CELF2: variants seen among roughly 807,000 people sequenced by gnomAD.
CELF2 encodes CUGBP Elav-like family member 2.
A neutral mutation model predicts 62.6 loss-of-function variants in CELF2; 8 were observed. The ratio of observed to expected loss-of-function variants is 0.13; its 90% confidence interval spans 0.07 to 0.23. CELF2 has a LOEUF of 0.23. CELF2 is among the 10% of genes least tolerant of loss of function. The pLI is 1.00. For synonymous variants in CELF2, 258 were observed against 250.0 expected (o/e 1.03, Z -0.30); for missense variants, 333 against 671.0 (o/e 0.50, Z 5.56).
chr10:10,647,412 G>C, the CELF2 span, among the ~76,000 whole-genome samples: 1 of 152,142 alleles, frequency 6.6e-6, no homozygotes, highest in African/African-American at 2.4e-5. Flanking sequence ...AGGTCTTTCT[G>C]ATAAATGAAA....
At chr10:11,226,162 G>C (rs758226592) in intron 3 of CELF2, among the ~76,000 whole-genome samples, 1 of 152,178 alleles carries the variant, frequency 6.6e-6, no homozygotes, top group East Asian at 1.9e-4. Context: ...CCATGGGGAG[G>C]CTCCATGGCT....
chr10:11,049,213 C>CTT (rs558304756), intron 1 of CELF2, among the ~76,000 whole-genome samples: 1 of 144,826 alleles, frequency 6.9e-6, no homozygotes, highest in Non-Finnish European at 1.5e-5. Flanking sequence ...AGTATGCCAT[C>CTT]TTTTTTTTTT....
chr10:10,557,061 T>G, the CELF2 span, among the ~76,000 whole-genome samples: 22 of 149,064 alleles, frequency 1.5e-4, no homozygotes, highest in African/African-American at 3.2e-4. Context: ...GTCAATTTTG[T>G]CTTTTGTTGC....
At chr10:11,029,121 G>A (rs1442673022) in intron 1 of CELF2, among the ~76,000 whole-genome samples, 1 of 152,204 alleles carries the variant, frequency 6.6e-6, no homozygotes, top group Non-Finnish European at 1.5e-5. Flanking sequence ...GGAGGATGTA[G>A]ATGGAGAGAG....
the CELF2 span, among the ~76,000 whole-genome samples, chr10:10,701,992 G>A: frequency 6.6e-6 from 1 of 152,230 alleles, no homozygotes; most frequent in Non-Finnish European, 1.5e-5. Context: ...AATTGAAGGA[G>A]CAGCGGTACC....
chr10:10,577,106 A>C, the CELF2 span, among the ~76,000 whole-genome samples: 5 of 152,200 alleles, frequency 3.3e-5, no homozygotes, highest in East Asian at 9.6e-4. Flanking sequence ...AGCAAAGACT[A>C]AGATAGAGGC....
chr10:10,815,869 C>T (rs1322414681), intron 1 of CELF2, among the ~76,000 whole-genome samples: 6 of 149,356 alleles, frequency 4.0e-5, no homozygotes, highest in Non-Finnish European at 8.9e-5. Flanking sequence ...AGAGTAAGTC[C>T]TTGACTCTAT....
the CELF2 span, among the ~76,000 whole-genome samples, chr10:10,477,664 A>G: frequency 6.6e-6 from 1 of 152,002 alleles, no homozygotes; most frequent in African/African-American, 2.4e-5. Flanking sequence ...CTGTTTTTAT[A>G]TGACCCTTGA....
chr10:11,309,961 T>C lies in CELF2; in HGVS notation c.977-4178T>C, dbSNP rs2094473877. 6.6e-6 allele frequency among the ~76,000 whole-genome samples: 1 copy of C among 152,198 alleles called. No homozygotes were observed. The highest frequency in any genetic ancestry group is 6.5e-5 in the Admixed American group (1 of 15,282). ...GTGGTGCAGGGGCAGTGGCCTGCTT[T>C]TCTGTGAATGACACCTCTGGTCTAC... On this transcript the variant is annotated intron_variant, in intron 9 of 12. Coordinates refer to ENST00000633077, the MANE Select transcript of CELF2 (RefSeq NM_001326342.2). This position sits in a 1 kb window ranked among gnomAD's most constrained non-coding sequence, Gnocchi z 5.6.
intron 1 of CELF2, among the ~76,000 whole-genome samples, chr10:10,826,417 G>A: frequency 6.6e-6 from 1 of 152,154 alleles, no homozygotes; most frequent in East Asian, 1.9e-4. Context: ...TAAAAATACA[G>A]GACATCCAGT....
chr10:11,131,995 C>T (rs776778642), intron 1 of CELF2, among the ~76,000 whole-genome samples: 3 of 152,062 alleles, frequency 2.0e-5, no homozygotes, highest in African/African-American at 4.8e-5. Context: ...TCAATAAAAC[C>T]GTAATTTTAT....
chr10:10,577,995 G>A, the CELF2 span, among the ~76,000 whole-genome samples: 32 of 152,112 alleles, frequency 2.1e-4, no homozygotes, highest in African/African-American at 6.3e-4. Flanking sequence ...AAGTGTTCCT[G>A]TTTCTCCACA....
intron 2 of CELF2, chr10:10,952,254 C>G (rs183301540): frequency 2.0e-5 from 3 of 152,322 alleles, no homozygotes; most frequent in African/African-American, 4.8e-5. Context: ...ATCCTTCCCC[C>G]CTGAAGTTCC....
In CELF2 at chr10:11,046,516, G is replaced by A. The variant is rs780103831; in HGVS notation, c.74+28353G>A. ...AGGCGCACTGCCTGATTCTCATTAA[G>A]ACTGTCCTGATTTCTTTTATGTCTT... is the stretch of plus-strand genomic sequence containing the variant. On this transcript the variant is annotated intron_variant, in intron 1 of 12. Transcript: ENST00000633077. This position sits in a 1 kb window ranked among gnomAD's most constrained non-coding sequence, Gnocchi z 4.6. 1.3e-5 allele frequency among the ~76,000 whole-genome samples: 2 copies of A among 152,194 alleles called. No individual in the cohort carries two copies. The highest frequency in any genetic ancestry group is 2.9e-5 in the Non-Finnish European group (2 of 68,040).
At chr10:10,910,512 TG>T (rs2063712857) in intron 1 of CELF2, among the ~76,000 whole-genome samples, 2 of 151,928 alleles carry the variant, frequency 1.3e-5, no homozygotes, top group Non-Finnish European at 2.9e-5. Flanking sequence ...CTGGCCAACA[TG>T]GTGAAACCCT....
rs186927350 is a variant in CELF2, at chr10:10,834,270, G to A, written c.53+35453G>A. 1.1e-3 allele frequency among the ~76,000 whole-genome samples: 166 copies of A among 152,280 alleles called. 1 individual carries two copies. The highest frequency in any genetic ancestry group is 3.4e-3 in the Middle Eastern group (1 of 294). On this transcript the variant is annotated intron_variant, in intron 1 of 13. Transcript: ENST00000636488. ...TGGGAGCTAAATGATGAGAACAGACGGACACATAGAGGGGAACAGCACACA... is the reference window on the plus strand; with the variant it reads ...TGGGAGCTAAATGATGAGAACAGACAGACACATAGAGGGGAACAGCACACA...
the CELF2 span, among the ~76,000 whole-genome samples, chr10:10,463,073 G>A: frequency 6.6e-6 from 1 of 152,028 alleles, no homozygotes; most frequent in Non-Finnish European, 1.5e-5. Context: ...GACTTCCTTA[G>A]TTCAGATAAT....
At chr10:10,874,094 T>C (rs1160433153) in intron 1 of CELF2, among the ~76,000 whole-genome samples, 1 of 152,196 alleles carries the variant, frequency 6.6e-6, no homozygotes, top group Non-Finnish European at 1.5e-5. Flanking sequence ...CCAGGCTCGC[T>C]TGAGCCCAGG....
intron 2 of CELF2, among the ~76,000 whole-genome samples, chr10:10,975,050 G>C (rs955818607): frequency 2.0e-5 from 3 of 152,172 alleles, no homozygotes; most frequent in Admixed American, 6.5e-5. Context: ...CAGGAGCACA[G>C]GTTTTAGATT....
Sources: allele counts gnomAD v4.1 joint callset (sites outside exome capture counted in the v4.1 genomes callset), GRCh38; gene constraint gnomAD v4.1.1; non-coding constraint Gnocchi (gnomAD v3.1); transcripts MANE v1.5; gene names NCBI Gene and HGNC (gene_info 2026-07-23, HGNC 2026-07-21).